DPP10: variants seen among roughly 807,000 people sequenced by gnomAD.
DPP10 encodes the protein inactive dipeptidyl peptidase 10.
DPP10 carries 33 observed loss-of-function variants against 120.9 expected under a neutral mutation model. The observed-to-expected ratio is 0.27, with a 90% CI of 0.21 to 0.37. The LOEUF (loss-of-function observed/expected upper bound fraction) is 0.37, where lower values mean the gene tolerates loss of function less well. Among genes scored for constraint, DPP10 ranks in the 10% least tolerant of loss-of-function variants. The probability of loss-of-function intolerance (pLI) is 1.00; values close to 1 mark genes in which losing one functional copy is unlikely to be tolerated. For missense variants in DPP10, 816 were observed against 942.8 expected (o/e 0.87, Z 1.76); for synonymous variants, 337 against 326.1 (o/e 1.03, Z -0.36).
intron 21 of DPP10, among the ~76,000 whole-genome samples, chr2:115,830,437 A>C (rs34907659): frequency 6.6e-6 from 1 of 151,998 alleles, no homozygotes; most frequent in Non-Finnish European, 1.5e-5. Flanking sequence ...TTTAGAACAG[A>C]TATCACTGTG....
intron 3 of DPP10, among the ~76,000 whole-genome samples, chr2:115,440,539 C>T (rs936758377): frequency 1.9e-4 from 29 of 152,190 alleles, no homozygotes; most frequent in African/African-American, 7.0e-4. Flanking sequence ...AATCAAGAGT[C>T]CTTTATTAAG....
chr2:115,409,698 A>G (rs2068795853), intron 3 of DPP10, among the ~76,000 whole-genome samples: 2 of 152,242 alleles, frequency 1.3e-5, no homozygotes, highest in African/African-American at 2.4e-5. Context: ...TAAATGAAAA[A>G]CACACATGCA....
At chr2:115,201,666 A>C (rs1217815690) in intron 1 of DPP10, among the ~76,000 whole-genome samples, 1 of 152,140 alleles carries the variant, frequency 6.6e-6, no homozygotes, top group Non-Finnish European at 1.5e-5. Context: ...ATTTCTTTTC[A>C]AGAGCTCATG....
intron 3 of DPP10, among the ~76,000 whole-genome samples, chr2:115,459,923 T>TA (rs1475186441): frequency 6.7e-5 from 2 of 29,868 alleles, no homozygotes; most frequent in Non-Finnish European, 2.9e-4. Flanking sequence ...AAAACATATA[T>TA]TTTATATATA....
intron 5 of DPP10, among the ~76,000 whole-genome samples, chr2:115,622,522 T>C (rs1575363659): frequency 6.6e-6 from 1 of 150,668 alleles, no homozygotes; most frequent in African/African-American, 2.4e-5. Flanking sequence ...TTTTTTTTTT[T>C]TTTTTTTTTT....
intron 5 of DPP10, among the ~76,000 whole-genome samples, chr2:115,589,866 C>G (rs746075657): frequency 1.3e-5 from 2 of 152,136 alleles, no homozygotes; most frequent in Non-Finnish European, 2.9e-5. Flanking sequence ...TGCCAAATAA[C>G]TCATCTAACA....
intron 1 of DPP10, among the ~76,000 whole-genome samples, chr2:115,226,219 C>CTA (rs1559273098): frequency 6.6e-6 from 1 of 152,070 alleles, no homozygotes; most frequent in Non-Finnish European, 1.5e-5. Context: ...GGATTATCTT[C>CTA]TATTACAGTT....
intron 1 of DPP10, among the ~76,000 whole-genome samples, chr2:115,091,310 CAG>C (rs1345981143): frequency 2.0e-5 from 3 of 152,198 alleles, no homozygotes; most frequent in South Asian, 2.1e-4. Flanking sequence ...ACATTTTCCA[CAG>C]AGTCATCACA....
chr2:115,410,387 C>T (rs1443683836), intron 3 of DPP10, among the ~76,000 whole-genome samples: 1 of 152,094 alleles, frequency 6.6e-6, no homozygotes. Context: ...GGAACAAAAA[C>T]CAAGCACCCA....
intron 19 of DPP10, among the ~76,000 whole-genome samples, chr2:115,794,174 G>A (rs1447485071): frequency 6.6e-6 from 1 of 152,130 alleles, no homozygotes; most frequent in Non-Finnish European, 1.5e-5. Context: ...AGTGATTTTG[G>A]TGTCAGTACT....
chr2:114,503,876 T>C (rs1047124462), intron 1 of DPP10, among the ~76,000 whole-genome samples: 1 of 152,236 alleles, frequency 6.6e-6, no homozygotes, highest in Non-Finnish European at 1.5e-5. Flanking sequence ...TATTCATCAG[T>C]TTCTATTTTC....
chr2:115,428,825 G>T (rs1352619734), intron 3 of DPP10, among the ~76,000 whole-genome samples: 2 of 152,132 alleles, frequency 1.3e-5, no homozygotes, highest in African/African-American at 2.4e-5. Context: ...AAGGAGACTG[G>T]GTTATTTATA....
chr2:115,042,360 G>T (rs1011980442), intron 1 of DPP10, among the ~76,000 whole-genome samples: 1 of 151,982 alleles, frequency 6.6e-6, no homozygotes, highest in African/African-American at 2.4e-5. Context: ...TCTGCCTCAC[G>T]GGTTCAAGTG....
Position 115,716,174 on chromosome 2 carries a change from A to G in DPP10, c.577-11642A>G, listed in dbSNP as rs553850911. Among the ~76,000 whole-genome samples the G allele has an allele frequency of 3.9e-5, 6 of 152,352 alleles. No individual in the cohort carries two copies. In the East Asian group the frequency reaches 1.2e-3, roughly 29 times the overall value. ...ACTGAATTGGACAATATCAATGAAAACACTAGCAGACAGTTTATGTTTTGT... is the reference window on the plus strand; with the variant it reads ...ACTGAATTGGACAATATCAATGAAAGCACTAGCAGACAGTTTATGTTTTGT... On this transcript the variant is annotated intron_variant, in intron 7 of 25. Transcript: ENST00000410059.
chr2:114,678,190 A>T (rs147559379), intron 1 of DPP10, among the ~76,000 whole-genome samples: 235 of 152,236 alleles, frequency 1.5e-3, no homozygotes, highest in African/African-American at 5.5e-3. Context: ...AAAAACAGAC[A>T]TATTTCACTG....
chr2:115,387,057 T>C (rs543925161), intron 3 of DPP10, among the ~76,000 whole-genome samples: 6 of 152,214 alleles, frequency 3.9e-5, no homozygotes, highest in South Asian at 2.1e-4. Context: ...TTTCAACATA[T>C]GATGAAGTAG....
chr2:115,403,174 G>C (rs2068232811), intron 3 of DPP10, among the ~76,000 whole-genome samples: 2 of 151,260 alleles, frequency 1.3e-5, no homozygotes, highest in Admixed American at 6.6e-5. Context: ...AGAAGATGCA[G>C]AAAAAGCATT....
At chr2:114,684,567 T>G (rs552711608) in intron 1 of DPP10, among the ~76,000 whole-genome samples, 108 of 152,082 alleles carry the variant, frequency 7.1e-4, no homozygotes, top group Non-Finnish European at 1.3e-3. Flanking sequence ...GGTAAGAAAC[T>G]TGACTGCACT....
chr2:115,112,722 G>T (rs544217284), intron 1 of DPP10, among the ~76,000 whole-genome samples: 153 of 152,282 alleles, frequency 1.0e-3, no homozygotes, highest in African/African-American at 3.4e-3. Flanking sequence ...TAGCGGGGAG[G>T]TGTTGGCCAA....
Sources: allele counts gnomAD v4.1 joint callset (sites outside exome capture counted in the v4.1 genomes callset), GRCh38; gene constraint gnomAD v4.1.1; transcripts MANE v1.5; gene names NCBI Gene and HGNC (gene_info 2026-07-23, HGNC 2026-07-21).